The following DOCK1 variants were observed in gnomAD, a reference collection of about 807,000 sequenced individuals.
DOCK1 encodes dedicator of cytokinesis 1.
Under a neutral mutation model 262.7 loss-of-function variants are expected in DOCK1, and 138 were observed. That is an observed-to-expected ratio of 0.53 (90% CI 0.46 to 0.61). DOCK1 has a LOEUF of 0.61. DOCK1 is among the 20% of genes least tolerant of loss of function. The pLI, the probability that DOCK1 is intolerant of heterozygous loss-of-function variation, is 0.00. For missense variants in DOCK1, 1,908 were observed against 2,370.7 expected (o/e 0.80, Z 4.05); for synonymous variants, 866 against 867.4 (o/e 1.00, Z 0.03).
At chr10:127,050,246 A>G (rs1327277476) in intron 21 of DOCK1, among the ~76,000 whole-genome samples, 1 of 151,300 alleles carries the variant, frequency 6.6e-6, no homozygotes, top group African/African-American at 2.4e-5. Flanking sequence ...AGATATTTCC[A>G]ATATAATAGA....
chr10:126,977,440 A>G (rs1244124607), intron 2 of DOCK1, among the ~76,000 whole-genome samples: 1 of 152,164 alleles, frequency 6.6e-6, no homozygotes. Flanking sequence ...TTGCTACAGA[A>G]GTACTTTGTG....
chr10:127,063,984 T>C (rs1763535122), intron 23 of DOCK1, among the ~76,000 whole-genome samples: 3 of 152,352 alleles, frequency 2.0e-5, no homozygotes, highest in Non-Finnish European at 4.4e-5. Flanking sequence ...TCACAATAGG[T>C]GCTTTCTCGA....
chr10:127,213,805 C>G (rs1021892360), intron 27 of DOCK1, among the ~76,000 whole-genome samples: 8 of 152,304 alleles, frequency 5.3e-5, no homozygotes, highest in Non-Finnish European at 1.0e-4. Context: ...GACGTTTCTG[C>G]CTTATTCCAG....
At chr10:127,156,197 A>C (rs2053028503) in intron 27 of DOCK1, among the ~76,000 whole-genome samples, 1 of 152,264 alleles carries the variant, frequency 6.6e-6, no homozygotes, top group South Asian at 2.1e-4. Flanking sequence ...CCAGTGTCCA[A>C]GTTTCCCAGT....
intron 47 of DOCK1, among the ~76,000 whole-genome samples, chr10:127,432,795 C>T (rs79512865): frequency 0.011 from 1,661 of 152,258 alleles, 16 homozygotes; most frequent in Non-Finnish European, 0.014. Context: ...AGAAAGGAAA[C>T]GTACTCTTCA....
At chr10:126,942,872 T>G (rs2035126507) in intron 1 of DOCK1, among the ~76,000 whole-genome samples, 9 of 152,184 alleles carry the variant, frequency 5.9e-5, no homozygotes. Flanking sequence ...CAGTATAAAT[T>G]CTTTTAGTTT....
At chr10:127,113,875 G>C (rs2049015289) in intron 25 of DOCK1, among the ~76,000 whole-genome samples, 1 of 152,144 alleles carries the variant, frequency 6.6e-6, no homozygotes, top group Non-Finnish European at 1.5e-5. Context: ...CACTCTGCAG[G>C]ATGGACATGC....
At chr10:127,106,752 A>G (rs956835477) in intron 24 of DOCK1, among the ~76,000 whole-genome samples, 2 of 152,022 alleles carry the variant, frequency 1.3e-5, no homozygotes, top group South Asian at 2.1e-4. Flanking sequence ...TACTAAGAAA[A>G]TAATTTTTAG....
rs76933045 is a variant in DOCK1, at chr10:126,975,572, G to T, written c.131-2376G>T. ...GAAGCATCTCTTCATACATGTTGAG[G>T]TCTTATGGGTTTCTTCTATACATAG... is the stretch of plus-strand genomic sequence containing the variant. On this transcript the variant is annotated intron_variant, in intron 2 of 51. Coordinates refer to ENST00000623213, the MANE Select transcript of DOCK1 (RefSeq NM_001290223.2). Among the ~76,000 whole-genome samples, 32 of 151,926 alleles carry T rather than the reference G, an allele frequency of 2.1e-4. No individual in the cohort carries two copies. The East Asian group carries it at 6.2e-3, about 29-fold the overall frequency.
At chr10:127,433,196 A>C in intron 47 of DOCK1, 87 bp from the exon 48 acceptor site, 1 of 1,552,524 alleles carries the variant, frequency 6.4e-7, no homozygotes, top group East Asian at 2.3e-5. Flanking sequence ...TCGATTCCAC[A>C]CAGCTAAGGC....
intron 19 of DOCK1, 32 bp downstream of exon 19, chr10:127,037,848 CTTTTTTTTTTTT>C (rs56038046): frequency 9.5e-7 from 1 of 1,047,186 alleles, no homozygotes; most frequent in African/African-American, 2.0e-5. Flanking sequence ...CTTTTTGGGT[CTTTTTTTTTTTT>C]TTTTTTTAAT....
rs1444139276 is a variant in DOCK1, at chr10:127,049,112, AAAAC to A, written c.2202-3563_2202-3560del. On this transcript the variant is annotated intron_variant, in intron 21 of 51. Transcript: ENST00000623213. ...CTGAATCTATTTTATAATTTATTTTAAAACAAACATAAAAGGAAACTTCAATTGT... is the reference window on the plus strand; with the variant it reads ...CTGAATCTATTTTATAATTTATTTTAAAACATAAAAGGAAACTTCAATTGT... Among the ~76,000 whole-genome samples the A allele has an allele frequency of 2.6e-5, 4 of 152,214 alleles. No individual in the cohort carries two copies. The East Asian group carries it at 7.7e-4, about 29-fold the overall frequency.
chr10:127,123,824 AGCCTTCGAGGCT>A (rs2133058161), intron 25 of DOCK1, among the ~76,000 whole-genome samples: 1 of 152,316 alleles, frequency 6.6e-6, no homozygotes, highest in Non-Finnish European at 1.5e-5. Context: ...CAGACACCAC[AGCCTTCGAGGCT>A]GACCTGGCCT....
intron 23 of DOCK1, among the ~76,000 whole-genome samples, chr10:127,087,839 C>G (rs1264767083): frequency 1.3e-5 from 2 of 152,152 alleles, no homozygotes; most frequent in Admixed American, 6.5e-5. Context: ...CATGGGGACT[C>G]TCACCCTGGA....
At chr10:127,052,963 T>C in intron 22 of DOCK1, 148 bp downstream of exon 22, 1 of 1,321,946 alleles carries the variant, frequency 7.6e-7, no homozygotes. Flanking sequence ...AGAGCACTGT[T>C]GATCCTGGGG....
chr10:127,327,633 T>C (rs564033908), intron 29 of DOCK1, among the ~76,000 whole-genome samples: 2 of 152,222 alleles, frequency 1.3e-5, no homozygotes, highest in Non-Finnish European at 2.9e-5. Flanking sequence ...AGAAGATCCT[T>C]CGGAGACCTC....
At chr10:127,379,255 T>C (rs888938180) in intron 35 of DOCK1, among the ~76,000 whole-genome samples, 1 of 152,240 alleles carries the variant, frequency 6.6e-6, no homozygotes, top group African/African-American at 2.4e-5. Flanking sequence ...TTGATAGAAA[T>C]GTTATTGCTC....
chr10:127,134,274 T>A (rs1376619230), intron 27 of DOCK1, among the ~76,000 whole-genome samples: 1 of 152,124 alleles, frequency 6.6e-6, no homozygotes, highest in Non-Finnish European at 1.5e-5. Context: ...CTTGTGACTG[T>A]TTATAGGTTG....
rs182995534 is a variant in DOCK1, at chr10:127,383,967, G to A, written c.3808-823G>A. Among the ~76,000 whole-genome samples, 9 of 152,178 alleles carry A rather than the reference G, an allele frequency of 5.9e-5. No homozygotes were observed. In the East Asian group the frequency reaches 1.7e-3, roughly 29 times the overall value. On this transcript the variant is annotated intron_variant, in intron 37 of 51. Coordinates refer to ENST00000623213, the MANE Select transcript of DOCK1 (RefSeq NM_001290223.2). ...GTCTTGCTCTGTTGTCCAGGCTAGA[G>A]TGCAGTAGCCTGGTCCTAGCTCACG...
Sources: allele counts gnomAD v4.1 joint callset (sites outside exome capture counted in the v4.1 genomes callset), GRCh38; gene constraint gnomAD v4.1.1; transcripts MANE v1.5; gene names NCBI Gene and HGNC (gene_info 2026-07-23, HGNC 2026-07-21).